The following ROBO1 variants were observed in gnomAD, a reference collection of about 807,000 sequenced individuals.
The protein encoded by ROBO1 is roundabout guidance receptor 1, also known as roundabout homolog 1.
In ROBO1, 149 loss-of-function variants were observed where a neutral mutation model predicts 195.9. The observed-to-expected ratio is 0.76, with a 90% confidence interval of 0.67 to 0.87. ROBO1 has a LOEUF of 0.87. Among genes scored for constraint, ROBO1 ranks in the 40% least tolerant of loss-of-function variants. The pLI is 0.00. For synonymous variants in ROBO1, 816 were observed against 733.2 expected (o/e 1.11, Z -1.82); for missense variants, 1,933 against 2,068.3 (o/e 0.93, Z 1.27).
intron 3 of ROBO1, among the ~76,000 whole-genome samples, chr3:78,983,009 G>A (rs1410851807): frequency 3.3e-5 from 5 of 152,030 alleles, no homozygotes; most frequent in South Asian, 2.1e-4. Flanking sequence ...CTGGGCTCCA[G>A]GGATCCTCCC....
intron 10 of ROBO1, among the ~76,000 whole-genome samples, chr3:78,682,392 C>T (rs993001134): frequency 6.7e-6 from 1 of 150,070 alleles, no homozygotes; most frequent in African/African-American, 2.4e-5. Flanking sequence ...AAATATATTA[C>T]ATATATCAAA....
chr3:78,897,068 G>T (rs2037282329), intron 4 of ROBO1, among the ~76,000 whole-genome samples: 1 of 152,182 alleles, frequency 6.6e-6, no homozygotes, highest in Admixed American at 6.5e-5. Context: ...ATTAGGCTTT[G>T]CCATCTCTCT....
chr3:79,229,346 G>C (rs2082282259), intron 2 of ROBO1, among the ~76,000 whole-genome samples: 1 of 152,060 alleles, frequency 6.6e-6, no homozygotes, highest in African/African-American at 2.4e-5. Flanking sequence ...AATGACATCA[G>C]GAAAGGATAA....
intron 1 of ROBO1, among the ~76,000 whole-genome samples, chr3:79,607,607 T>TC (rs1304638301): frequency 6.6e-6 from 1 of 151,420 alleles, no homozygotes; most frequent in African/African-American, 2.4e-5. Context: ...TCCAAGTTTT[T>TC]TTTTTTTCTT....
intron 2 of ROBO1, among the ~76,000 whole-genome samples, chr3:79,387,180 G>T (rs906169681): frequency 1.3e-5 from 2 of 152,028 alleles, no homozygotes; most frequent in Non-Finnish European, 2.9e-5. Flanking sequence ...CTCATAAAAT[G>T]GCATGTGCAT....
intron 2 of ROBO1, among the ~76,000 whole-genome samples, chr3:79,444,634 G>A (rs2039175918): frequency 6.6e-6 from 1 of 152,032 alleles, no homozygotes; most frequent in South Asian, 2.1e-4. Flanking sequence ...TCTTGGACTT[G>A]AGCACCAGTA....
chr3:79,278,296 C>T (rs2031223394), intron 2 of ROBO1, among the ~76,000 whole-genome samples: 1 of 152,052 alleles, frequency 6.6e-6, no homozygotes, highest in Non-Finnish European at 1.5e-5. Context: ...GCATTCTTCA[C>T]ATACATGGAA....
chr3:79,025,890 T>C (rs972425087), intron 3 of ROBO1, among the ~76,000 whole-genome samples: 8 of 152,134 alleles, frequency 5.3e-5, no homozygotes, highest in African/African-American at 1.9e-4. Flanking sequence ...CTTTAGTTAG[T>C]GGTTGACTCG....
intron 2 of ROBO1, among the ~76,000 whole-genome samples, chr3:79,451,410 T>C (rs1275862492): frequency 6.6e-6 from 1 of 152,050 alleles, no homozygotes; most frequent in Non-Finnish European, 1.5e-5. Flanking sequence ...CTTGCAAAAA[T>C]GGAAGAGCCT....
chr3:79,696,423 G>A (rs1947450095), intron 1 of ROBO1, among the ~76,000 whole-genome samples: 1 of 149,176 alleles, frequency 6.7e-6, no homozygotes, highest in Non-Finnish European at 1.5e-5. Context: ...CTTGGCATAA[G>A]TGAATTATTT....
At chr3:78,670,892 G>T (rs762361565) in intron 10 of ROBO1, among the ~76,000 whole-genome samples, 1 of 152,004 alleles carries the variant, frequency 6.6e-6, no homozygotes, top group Admixed American at 6.6e-5. Context: ...AATATACATG[G>T]GAGAAAATTA....
chr3:79,522,759 T>G (rs1477207140), intron 2 of ROBO1, among the ~76,000 whole-genome samples: 4 of 152,210 alleles, frequency 2.6e-5, no homozygotes, highest in Non-Finnish European at 4.4e-5. Context: ...ATCGTGGTTT[T>G]AGAGTTTAAA....
intron 1 of ROBO1, among the ~76,000 whole-genome samples, chr3:79,760,543 T>A (rs529722106): frequency 1.3e-4 from 18 of 141,042 alleles, no homozygotes; most frequent in African/African-American, 4.7e-4. Flanking sequence ...AGAATTTGTA[T>A]AATCTATAAG....
At chr3:79,163,563 C>A (rs1360962647) in intron 2 of ROBO1, among the ~76,000 whole-genome samples, 2 of 152,102 alleles carry the variant, frequency 1.3e-5, no homozygotes, top group Non-Finnish European at 2.9e-5. Context: ...ATTGGTGCAT[C>A]ATATGGTAAT....
chr3:79,725,367 C>A (rs1256302260), intron 1 of ROBO1, among the ~76,000 whole-genome samples: 1 of 151,496 alleles, frequency 6.6e-6, no homozygotes, highest in African/African-American at 2.4e-5. Context: ...GCTGGGACTA[C>A]AGGCGCCCGC....
intron 4 of ROBO1, among the ~76,000 whole-genome samples, chr3:78,892,009 G>A (rs1316951376): frequency 1.3e-5 from 2 of 152,160 alleles, no homozygotes; most frequent in African/African-American, 2.4e-5. Context: ...GTGGTTACAC[G>A]GGTTTGTGAG....
intron 2 of ROBO1, among the ~76,000 whole-genome samples, chr3:79,461,839 AT>A (rs1383623763): frequency 6.6e-6 from 1 of 152,166 alleles, no homozygotes; most frequent in Admixed American, 6.5e-5. Flanking sequence ...AAATGGCAAA[AT>A]AGGAAATGTT....
intron 21 of ROBO1, among the ~76,000 whole-genome samples, chr3:78,642,560 G>T (rs1298132720): frequency 6.6e-6 from 1 of 152,142 alleles, no homozygotes; most frequent in Admixed American, 6.5e-5. Context: ...TCTCTACCAG[G>T]TTAGCCAGAC....
At chr3:79,512,879 C>A (rs1441009786) in intron 2 of ROBO1, 3 of 152,118 alleles carry the variant, frequency 2.0e-5, no homozygotes, top group African/African-American at 7.2e-5. Context: ...GAAAGCAGAT[C>A]TTCTGAGTTA....
Sources: gnomAD v4.1 joint callset for allele counts (sites outside exome capture counted in the v4.1 genomes callset) on GRCh38, gnomAD v4.1.1 for gene constraint, MANE v1.5 for transcripts, NCBI Gene and HGNC (gene_info 2026-07-23, HGNC 2026-07-21) for gene names.